Variants in MPDZ observed in about 807,000 individuals in gnomAD.
The protein encoded by MPDZ is multiple PDZ domain protein.
In MPDZ, 234 loss-of-function variants were observed where a neutral mutation model predicts 239.1. That is an observed-to-expected ratio of 0.98 (90% CI 0.88 to 1.09). The LOEUF is 1.09. Ranked by LOEUF, MPDZ falls within the 50% of genes least tolerant of loss-of-function variation. The pLI, the probability that MPDZ is intolerant of heterozygous loss-of-function variation, is 0.00. For missense variants in MPDZ, 3,175 were observed against 2,510.0 expected (o/e 1.26, Z -5.66); for synonymous variants, 1,048 against 881.3 (o/e 1.19, Z -3.35).
At chr9:13,262,774 T>C (rs1970977852) in intron 1 of MPDZ, among the ~76,000 whole-genome samples, 1 of 152,094 alleles carries the variant, frequency 6.6e-6, no homozygotes, top group Admixed American at 6.5e-5. Flanking sequence ...GTTAGACTCA[T>C]TTTTTAAAGA....
intron 3 of MPDZ, among the ~76,000 whole-genome samples, chr9:13,232,313 C>A (rs887129971): frequency 6.6e-6 from 1 of 152,016 alleles, no homozygotes; most frequent in Non-Finnish European, 1.5e-5. Context: ...TTCTAAAAAT[C>A]TGTTCAAGAT....
rs749584276 is a variant in MPDZ, at chr9:13,150,629, C to T, written c.3512G>A (p.Gly1171Glu). The change falls in exon 25 of 47, where the codon GGG becomes GAG. Residue 1171 changes from glycine (G) to glutamate (E), a missense_variant. Physicochemically the swap from Gly to Glu is moderately conservative, Grantham distance 98 (BLOSUM62 -2). Coordinates refer to ENST00000319217, the MANE Select transcript of MPDZ (RefSeq NM_001378778.1). Reference sequence around the variant, plus strand: ...TCCATTGCTTAGCCGACTCCCCATCCCTCGTCCACCAACAATGCTGATGCC... The same window carrying T: ...TCCATTGCTTAGCCGACTCCCCATCTCTCGTCCACCAACAATGCTGATGCC... ...SLGISIVGGR[G>E]MGSRLSNGEV... 6.5e-7 allele frequency: 1 copy of T among 1,528,332 alleles called. No homozygotes were observed. The highest frequency in any genetic ancestry group is 8.8e-7 in the Non-Finnish European group (1 of 1,135,156). 94.7% of individuals were successfully genotyped at this position (1,528,332 alleles called of 1,614,324 possible).
At chr9:13,124,368 C>G (rs1489490247) in intron 35 of MPDZ, among the ~76,000 whole-genome samples, 1 of 152,182 alleles carries the variant, frequency 6.6e-6, no homozygotes, top group East Asian at 1.9e-4. Context: ...TTTCATCCAA[C>G]TACATTACAA....
chr9:13,226,074 T>G (rs1006200802), intron 3 of MPDZ, among the ~76,000 whole-genome samples: 3 of 152,048 alleles, frequency 2.0e-5, no homozygotes, highest in Non-Finnish European at 2.9e-5. Context: ...AGGGTGGTTT[T>G]GTGTATCCTT....
At chr9:13,174,666 T>C (rs1438673913) in intron 21 of MPDZ, among the ~76,000 whole-genome samples, 1 of 152,236 alleles carries the variant, frequency 6.6e-6, no homozygotes, top group Non-Finnish European at 1.5e-5. Flanking sequence ...AAATACTAAA[T>C]TAGCCAATGA....
Position 13,250,368 on chromosome 9 carries a change from G to C in MPDZ, c.-53C>G. The stretch of plus-strand genomic sequence containing the variant: ...GAAATGATTAACAGCAATTAAAATG[G>C]AACTCTGTGCAAAAAAGAAATAGAA... On this transcript the variant is annotated 5_prime_UTR_variant, in exon 2 of 47. Transcript: ENST00000319217. 1.3e-6 allele frequency: 2 copies of C among 1,493,042 alleles called. No homozygotes were observed. Among genetic ancestry groups the C allele is most frequent in the Non-Finnish European group, 1.8e-6 (2 of 1,091,774 alleles). 92.5% of individuals were successfully genotyped at this position (1,493,042 alleles called of 1,614,324 possible). A position where few individuals can be genotyped will look rare whatever the true frequency, so the allele number is the denominator to read the frequency against.
chr9:13,144,334 C>G (rs1948152561), intron 26 of MPDZ, among the ~76,000 whole-genome samples: 1 of 151,878 alleles, frequency 6.6e-6, no homozygotes, highest in African/African-American at 2.4e-5. Context: ...CAGTAATAAG[C>G]CCTGAGCCAG....
Position 13,176,033 on chromosome 9 carries a change from T to G in MPDZ, c.2931+103A>C, listed in dbSNP as rs1365646163. 1.3e-5 allele frequency: 19 copies of G among 1,430,828 alleles called. No individual in the cohort carries two copies. In the South Asian group the frequency reaches 2.1e-4, roughly 16 times the overall value. The allele number at this position is 1,430,828 out of a possible 1,614,324, so 88.6% of individuals were successfully genotyped here. A position where few individuals can be genotyped will look rare whatever the true frequency, so the allele number is the denominator to read the frequency against. ...ATAGGTTGCCTTCTGAAAATCTTAG[T>G]GTCAAGAAGCACTCATTCCAAATGA... On this transcript the variant is annotated intron_variant, in intron 20 of 46. Coordinates refer to ENST00000319217, the MANE Select transcript of MPDZ (RefSeq NM_001378778.1).
chr9:13,158,064 T>C lies in MPDZ; in HGVS notation c.3406A>G (p.Ser1136Gly). The C allele has an allele frequency of 6.2e-7, 1 of 1,612,856 alleles. No homozygotes were observed. Among genetic ancestry groups the C allele is most frequent in the East Asian group, 2.2e-5 (1 of 44,742 alleles). ...CTATATGCTGTGTTTTGAAGTTCGC[T>C]TTCTTCACCCTCTCCCTCTTCTCGC... is the stretch of plus-strand genomic sequence containing the variant. ...PEREEGEGEE[S>G]ELQNTAYSNW... Residue 1136 changes from serine (S) to glycine (G), a missense_variant, in exon 24 of 47, where the codon AGC (serine) becomes GGC (glycine). Ser to Gly is a moderately conservative substitution (Grantham distance 56). Transcript: ENST00000319217.
intron 40 of MPDZ, 36 bp downstream of exon 40, chr9:13,115,212 G>T: frequency 6.4e-7 from 1 of 1,567,840 alleles, no homozygotes; most frequent in African/African-American, 1.4e-5. Context: ...TTGGCATGCC[G>T]ATTGCATCGC....
At chr9:13,229,316 G>C (rs1157096196) in intron 3 of MPDZ, among the ~76,000 whole-genome samples, 2 of 151,968 alleles carry the variant, frequency 1.3e-5, no homozygotes, top group Non-Finnish European at 2.9e-5. Flanking sequence ...ACAGAAGCAT[G>C]AATATCAGAA....
At chr9:13,236,243 G>GTATA in intron 3 of MPDZ, among the ~76,000 whole-genome samples, 2 of 4,338 alleles carry the variant, frequency 4.6e-4, no homozygotes, top group African/African-American at 6.1e-4. Context: ...ATATGTGTGT[G>GTATA]TGTGTGTATA....
chr9:13,155,361 A>G lies in MPDZ; in HGVS notation c.3452+2657T>C, dbSNP rs749354991. Among the ~76,000 whole-genome samples the G allele has an allele frequency of 4.6e-5, 7 of 152,316 alleles. No homozygotes were observed. The South Asian group carries it at 1.5e-3, about 32-fold the overall frequency. The stretch of plus-strand genomic sequence containing the variant: ...TAGATAAATTTTCATGTGTAAGTAT[A>G]AAGAAATAAATATATTTACTGAACA... On this transcript the variant is annotated intron_variant, in intron 24 of 46. Coordinates refer to ENST00000319217, the MANE Select transcript of MPDZ (RefSeq NM_001378778.1).
chr9:13,215,851 T>G (rs1345812749), intron 10 of MPDZ, among the ~76,000 whole-genome samples: 1 of 141,496 alleles, frequency 7.1e-6, no homozygotes, highest in African/African-American at 2.6e-5. Context: ...CACTATAGCC[T>G]TGAACTCCCA....
intron 1 of MPDZ, among the ~76,000 whole-genome samples, chr9:13,262,464 T>A (rs1315100541): frequency 2.0e-5 from 3 of 151,632 alleles, no homozygotes; most frequent in Non-Finnish European, 2.9e-5. Flanking sequence ...AAAATAATAA[T>A]AAAAATTAAA....
At chr9:13,188,379 A>G (rs1473035984) in intron 17 of MPDZ, among the ~76,000 whole-genome samples, 3 of 151,960 alleles carry the variant, frequency 2.0e-5, no homozygotes, top group Non-Finnish European at 4.4e-5. Context: ...TTAGCCAGGC[A>G]TGGTCGTGGC....
intron 3 of MPDZ, among the ~76,000 whole-genome samples, chr9:13,227,445 G>C (rs1003740596): frequency 5.9e-5 from 9 of 152,164 alleles, no homozygotes; most frequent in Admixed American, 5.2e-4. Context: ...AGCTCAGGTT[G>C]AAGCAGATGG....
In MPDZ at chr9:13,193,209, A is replaced by C. The variant is rs764023705; in HGVS notation, c.1761T>G (p.Val587=). 6.2e-7 allele frequency: 1 copy of C among 1,608,416 alleles called. No homozygotes were observed. Among genetic ancestry groups the C allele is most frequent in the South Asian group, 1.1e-5 (1 of 90,142 alleles). The change falls in exon 14 of 47, where the codon GTT becomes GTG. Residue 587 remains valine, a synonymous_variant. Coordinates refer to ENST00000319217, the MANE Select transcript of MPDZ (RefSeq NM_001378778.1). ...FIRSVLPEGP[V]GHSGKLFSGD... ...CACTGAAGAGCTTCCCGCTGTGTCC[A>C]ACAGGACCCTCTGGTAGAACAGATC... is the stretch of plus-strand genomic sequence containing the variant.
At position 13,200,525 on chromosome 9, in the gene MPDZ, T is replaced by C. The variant is rs1024713683; in HGVS notation, c.1547-4295A>G. Among the ~76,000 whole-genome samples the C allele has an allele frequency of 2.6e-5, 4 of 152,106 alleles. No homozygotes were observed. In the South Asian group the frequency reaches 8.3e-4, roughly 31 times the overall value. On this transcript the variant is annotated intron_variant, in intron 12 of 46. Transcript: ENST00000319217. ...ATAATTAGTTTGTTTATTTGAAGTC[T>C]GTCTTCTTTTTTGATGTAGGTATTT... is the stretch of plus-strand genomic sequence containing the variant.
Sources: allele counts gnomAD v4.1 joint callset (sites outside exome capture counted in the v4.1 genomes callset), GRCh38; gene constraint gnomAD v4.1.1; transcripts MANE v1.5; gene names NCBI Gene and HGNC (gene_info 2026-07-23, HGNC 2026-07-21).